Variants in CNTN4 observed in about 807,000 individuals in gnomAD.
The protein encoded by CNTN4 is contactin-4.
Under a neutral mutation model 122.5 loss-of-function variants are expected in CNTN4, and 77 were observed. That is an observed-to-expected ratio of 0.63 (90% confidence interval 0.52 to 0.76). The LOEUF (loss-of-function observed/expected upper bound fraction) is 0.76. Ranked by LOEUF, CNTN4 falls within the 30% of genes least tolerant of loss-of-function variation. CNTN4 has a pLI of 0.00. For missense variants in CNTN4, 1,256 were observed against 1,259.1 expected (o/e 1.00, Z 0.04); for synonymous variants, 512 against 447.0 (o/e 1.15, Z -1.83).
At chr3:2,322,522 G>T (rs1416524350) in intron 2 of CNTN4, among the ~76,000 whole-genome samples, 1 of 152,072 alleles carries the variant, frequency 6.6e-6, no homozygotes, top group Admixed American at 6.6e-5. Context: ...CATAATAGTG[G>T]TTAGCAGGGG....
At chr3:2,525,182 G>C (rs987245599) in intron 3 of CNTN4, among the ~76,000 whole-genome samples, 5 of 152,090 alleles carry the variant, frequency 3.3e-5, no homozygotes, top group Admixed American at 1.3e-4. Context: ...ACTGTGGAAG[G>C]CTGTTTGGAT....
intron 4 of CNTN4, among the ~76,000 whole-genome samples, chr3:2,628,631 G>A (rs1401185469): frequency 1.3e-5 from 2 of 152,156 alleles, no homozygotes; most frequent in Non-Finnish European, 2.9e-5. Flanking sequence ...TCGGTGAAAT[G>A]AGAACAAAGC....
chr3:2,566,442 G>T (rs79295583), intron 3 of CNTN4, among the ~76,000 whole-genome samples: 1 of 152,138 alleles, frequency 6.6e-6, no homozygotes, highest in Admixed American at 6.5e-5. Context: ...GTAAGATCAC[G>T]TGGCAGGTCC....
At chr3:2,484,960 G>A (rs924381335) in intron 3 of CNTN4, among the ~76,000 whole-genome samples, 3 of 152,180 alleles carry the variant, frequency 2.0e-5, no homozygotes, top group East Asian at 1.9e-4. Context: ...ACCGGCCAGC[G>A]CGAGTTCCAG....
intron 3 of CNTN4, among the ~76,000 whole-genome samples, chr3:2,531,646 G>C (rs2077600726): frequency 6.6e-6 from 1 of 152,126 alleles, no homozygotes; most frequent in African/African-American, 2.4e-5. Flanking sequence ...CCATTAAACA[G>C]AAAGTAGTGA....
intron 2 of CNTN4, among the ~76,000 whole-genome samples, chr3:2,145,510 T>A (rs2035203413): frequency 6.6e-6 from 1 of 152,212 alleles, no homozygotes; most frequent in South Asian, 2.1e-4. Context: ...ATCGAGCTTT[T>A]AATTTTTTTA....
intron 6 of CNTN4, among the ~76,000 whole-genome samples, chr3:2,815,750 A>C (rs529084098): frequency 6.6e-6 from 1 of 152,142 alleles, no homozygotes; most frequent in Non-Finnish European, 1.5e-5. Flanking sequence ...CCCAGAGGAA[A>C]AGAAGTCATT....
intron 4 of CNTN4, among the ~76,000 whole-genome samples, chr3:2,584,746 C>T (rs2080107182): frequency 1.4e-5 from 2 of 142,618 alleles, no homozygotes; most frequent in Non-Finnish European, 3.0e-5. Context: ...GAACAGGTCA[C>T]AATTTCCCTC....
At chr3:2,218,476 C>T (rs1161636216) in intron 2 of CNTN4, among the ~76,000 whole-genome samples, 1 of 152,028 alleles carries the variant, frequency 6.6e-6, no homozygotes, top group Admixed American at 6.6e-5. Flanking sequence ...GCTGTGAGCG[C>T]ACCTGTGAAT....
At chr3:2,217,088 C>A (rs1575102866) in intron 2 of CNTN4, among the ~76,000 whole-genome samples, 1 of 152,290 alleles carries the variant, frequency 6.6e-6, no homozygotes, top group Non-Finnish European at 1.5e-5. Context: ...GAGACTTTAT[C>A]TGACTTAAAG....
At chr3:2,990,509 A>G (rs1299771670) in intron 14 of CNTN4, among the ~76,000 whole-genome samples, 3 of 152,206 alleles carry the variant, frequency 2.0e-5, no homozygotes, top group East Asian at 1.9e-4. Flanking sequence ...GTATTTTATT[A>G]TCATCCTTCT....
intron 4 of CNTN4, among the ~76,000 whole-genome samples, chr3:2,616,102 G>T (rs2081719396): frequency 6.6e-6 from 1 of 150,902 alleles, no homozygotes; most frequent in African/African-American, 2.4e-5. Flanking sequence ...GTGCCATGGT[G>T]CCTTGCTGCA....
intron 4 of CNTN4, among the ~76,000 whole-genome samples, chr3:2,654,454 G>A (rs7622513): frequency 0.29 from 44,447 of 152,104 alleles, 7,125 homozygotes; most frequent in African/African-American, 0.42. Context: ...TATGTGCTTT[G>A]TAATCCTAAG....
Position 2,843,578 on chromosome 3 carries a change from C to G in CNTN4, c.455-23174C>G, listed in dbSNP as rs150005165. Among the ~76,000 whole-genome samples, 719 of 152,262 alleles carry G rather than the reference C, an allele frequency of 4.7e-3. 8 individuals carry two copies. The highest frequency in any genetic ancestry group is 0.017 in the African/African-American group (690 of 41,548). On this transcript the variant is annotated intron_variant, in intron 7 of 24. Transcript: ENST00000418658. ...AGGTGATTGGATCATGGGAGTGGAT[C>G]CTTCACGGCTCAGTGCCGTCCTCAC...
In CNTN4 at chr3:3,011,242, A is replaced by G. The variant is rs181853312; in HGVS notation, c.1487-14860A>G. ...TTTCTCAGACCTTTCATGTCCCTCA[A>G]TAAAGTATATTTTTGGCTATGCCCC... is the stretch of plus-strand genomic sequence containing the variant. On this transcript the variant is annotated intron_variant, in intron 14 of 24. Coordinates refer to ENST00000418658, the MANE Select transcript of CNTN4 (RefSeq NM_175607.3). Among the ~76,000 whole-genome samples, 249 of 152,312 alleles carry G rather than the reference A, an allele frequency of 1.6e-3. 2 individuals are homozygous for G. The highest frequency in any genetic ancestry group is 6.8e-3 in the Middle Eastern group (2 of 294).
chr3:3,043,252 G>T (rs1350043863), intron 22 of CNTN4, 89 bp downstream of exon 22: 2 of 1,235,110 alleles, frequency 1.6e-6, no homozygotes, highest in East Asian at 4.7e-5. Context: ...ATGATCATTT[G>T]CATACTAATT....
At chr3:2,549,774 G>A (rs2078406153) in intron 3 of CNTN4, among the ~76,000 whole-genome samples, 1 of 152,148 alleles carries the variant, frequency 6.6e-6, no homozygotes, top group Non-Finnish European at 1.5e-5. Flanking sequence ...AGAAAGAATG[G>A]TACTAGCTCC....
chr3:2,797,427 G>A (rs4684355), intron 6 of CNTN4, among the ~76,000 whole-genome samples: 7,175 of 152,202 alleles, frequency 0.047, 230 homozygotes, highest in Non-Finnish European at 0.07. Flanking sequence ...ATGAAACCCT[G>A]TCTCTACTAA....
intron 2 of CNTN4, among the ~76,000 whole-genome samples, chr3:2,151,316 A>G (rs943800186): frequency 1.4e-4 from 21 of 152,312 alleles, no homozygotes; most frequent in Admixed American, 3.9e-4. Flanking sequence ...CGAAGCATCT[A>G]TGAGGAAGTG....
Sources: gnomAD v4.1 joint callset for allele counts (sites outside exome capture counted in the v4.1 genomes callset) on GRCh38, gnomAD v4.1.1 for gene constraint, MANE v1.5 for transcripts, NCBI Gene and HGNC (gene_info 2026-07-23, HGNC 2026-07-21) for gene names.